Variants in DIPK2A observed in about 807,000 individuals in gnomAD.
DIPK2A encodes divergent protein kinase domain 2A.
DIPK2A carries 27 observed loss-of-function variants against 39.0 expected under a neutral mutation model. The observed-to-expected ratio is 0.69, with a 90% CI of 0.51 to 0.96. The LOEUF (loss-of-function observed/expected upper bound fraction) is 0.96, where lower values mean the gene tolerates loss of function less well. Ranked by LOEUF, DIPK2A falls within the 40% of genes least tolerant of loss-of-function variation. DIPK2A has a pLI of 0.00. For missense variants in DIPK2A, 528 were observed against 571.3 expected (o/e 0.92, Z 0.77); for synonymous variants, 298 against 240.8 (o/e 1.24, Z -2.20).
chr3:143,983,522 A>G (rs1479829519), intron 1 of DIPK2A, among the ~76,000 whole-genome samples: 1 of 152,244 alleles, frequency 6.6e-6, no homozygotes, highest in Non-Finnish European at 1.5e-5. Flanking sequence ...GAACAAAGAC[A>G]CAACATATCA....
At chr3:143,977,046 A>G (rs779793989) in intron 1 of DIPK2A, among the ~76,000 whole-genome samples, 15 of 152,000 alleles carry the variant, frequency 9.9e-5, no homozygotes, top group Non-Finnish European at 1.9e-4. Context: ...ATTTTTTTCC[A>G]TTATTACTTT....
At chr3:143,973,285 T>C (rs946643775) in intron 1 of DIPK2A, 6 of 1,466,116 alleles carry the variant, frequency 4.1e-6, no homozygotes, top group Admixed American at 3.9e-5. Context: ...CCAAAATGTC[T>C]CTACTGCGAG....
chr3:143,972,554 C>G lies in DIPK2A; in HGVS notation c.222C>G (p.Phe74Leu), dbSNP rs2087668038. ...GCTTCCTCAACGGGCAGGTGGTATT[C>G]GAGGCGTGGGGCCGCTTGCGCCTGC... ...CRRFLNGQVV[F>L]EAWGRLRLLD... Residue 74 changes from phenylalanine (F) to leucine (L), a missense_variant, in exon 1 of 3, where the codon TTC (phenylalanine) becomes TTG (leucine). By Grantham distance (22) the Phe-to-Leu change is conservative. This residue lies in a region of DIPK2A where 309 missense variants were observed against 289.8 expected (regional missense o/e 1.07). Coordinates refer to ENST00000315691, the MANE Select transcript of DIPK2A (RefSeq NM_173552.5). 8.7e-6 allele frequency: 14 copies of G among 1,612,264 alleles called. No individual in the cohort carries two copies. In the South Asian group the frequency reaches 1.1e-4, roughly 13 times the overall value.
intron 1 of DIPK2A, among the ~76,000 whole-genome samples, chr3:143,974,964 T>C (rs1221007342): frequency 6.6e-6 from 1 of 152,208 alleles, no homozygotes; most frequent in African/African-American, 2.4e-5. Flanking sequence ...TCTTGTTTTC[T>C]GTTTAACTTT....
rs117232177 is a variant in DIPK2A, at chr3:143,972,074, G to T, written c.-259G>T. The T allele has an allele frequency of 6.5e-3, 2,470 of 380,200 alleles. 108 individuals carry two copies. In the East Asian group the frequency reaches 0.087, roughly 13 times the overall value. 23.6% of individuals were successfully genotyped at this position (380,200 alleles called of 1,614,324 possible). ...TGGCTGGCGTGGAGGAGGCGCCGCC[G>T]GAGTCGGAGGGCGGGGAGCTAGGAG... On this transcript the variant is annotated 5_prime_UTR_variant, in exon 1 of 3. Coordinates refer to ENST00000315691, the MANE Select transcript of DIPK2A (RefSeq NM_173552.5).
At chr3:143,975,129 T>G (rs964231261) in intron 1 of DIPK2A, among the ~76,000 whole-genome samples, 7 of 152,162 alleles carry the variant, frequency 4.6e-5, no homozygotes, top group African/African-American at 1.4e-4. Context: ...GTTTTTAGTA[T>G]GTGATGAAAC....
rs1007783412 is a variant in DIPK2A, at chr3:143,972,315, T to TGCGG, written c.-5_-2dup. 12 of 1,348,780 alleles carry TGCGG rather than the reference T, an allele frequency of 8.9e-6. No homozygotes were observed. The highest frequency in any genetic ancestry group is 3.8e-5 in the South Asian group (2 of 52,528). 83.6% of individuals were successfully genotyped at this position (1,348,780 alleles called of 1,614,324 possible). A position where few individuals can be genotyped will look rare whatever the true frequency, so the allele number is the denominator to read the frequency against. On this transcript the variant is annotated 5_prime_UTR_variant, in exon 1 of 3. Coordinates refer to ENST00000315691, the MANE Select transcript of DIPK2A (RefSeq NM_173552.5). ...CCCGGGGGTGCCCTCGCCCTCCCGT[T>TGCGG]GCGGGCGGGCGGGCGGTATGTGGCG...
chr3:143,985,877 T>A, intron 2 of DIPK2A, 31 bp downstream of exon 2: 2 of 1,530,282 alleles, frequency 1.3e-6, no homozygotes, highest in Non-Finnish European at 1.8e-6. Flanking sequence ...TTTTTTCTAC[T>A]CATTTTTTCC....
chr3:143,987,527 AGT>A (rs1355400934), intron 2 of DIPK2A, among the ~76,000 whole-genome samples: 1 of 152,166 alleles, frequency 6.6e-6, no homozygotes, highest in Non-Finnish European at 1.5e-5. Context: ...TCCACTTTCT[AGT>A]AAATGACCTT....
rs780455944 is a variant in DIPK2A at position 143,972,497 on chromosome 3, C to T, written c.165C>T (p.Cys55=). The T allele has an allele frequency of 5.6e-6, 9 of 1,609,908 alleles. No homozygotes were observed. The African/African-American group carries it at 1.1e-4, about 19-fold the overall frequency. Reference sequence around the variant, plus strand: ...GGCGCTTCCTGCAGCTCAATAAGTGCCCGGCGTGCTTCGGCACGAGCTGGT... The same window carrying T: ...GGCGCTTCCTGCAGCTCAATAAGTGTCCGGCGTGCTTCGGCACGAGCTGGT... The part of the protein sequence containing the change: ...TDRRFLQLNK[C]PACFGTSWCR... The change falls in exon 1 of 3, where the codon TGC becomes TGT. Residue 55 remains cysteine (C), a synonymous_variant. Transcript: ENST00000315691.
chr3:143,982,904 A>G (rs573787593), intron 1 of DIPK2A, among the ~76,000 whole-genome samples: 2 of 151,786 alleles, frequency 1.3e-5, no homozygotes, highest in Non-Finnish European at 3.0e-5. Flanking sequence ...GAAAGCAAAA[A>G]AAACACAAAA....
Position 143,972,193 on chromosome 3 carries a change from C to T in DIPK2A, c.-140C>T, listed in dbSNP as rs986318055. 1 of 703,174 alleles carries T rather than the reference C, an allele frequency of 1.4e-6. No homozygotes were observed. 43.6% of individuals were successfully genotyped at this position (703,174 alleles called of 1,614,324 possible). On this transcript the variant is annotated 5_prime_UTR_variant, in exon 1 of 3. Coordinates refer to ENST00000315691, the MANE Select transcript of DIPK2A (RefSeq NM_173552.5). ...CCGCTCCCCGTCTTCCTCTCTCACA[C>T]ACCTACTCCGCCCTCCGCCCCAGCC...
chr3:143,976,440 AGTT>A (rs2087729633), intron 1 of DIPK2A, among the ~76,000 whole-genome samples: 2 of 151,810 alleles, frequency 1.3e-5, no homozygotes. Flanking sequence ...TCAAAAATTG[AGTT>A]GTTGAAGTAA....
chr3:143,985,833 A>G lies in DIPK2A; in HGVS notation c.948A>G (p.Arg316=). The change falls in exon 2 of 3, where the codon AGA becomes AGG. Residue 316 remains arginine, a synonymous_variant. Coordinates refer to ENST00000315691, the MANE Select transcript of DIPK2A (RefSeq NM_173552.5). ...AAAATGTTTTGGTTGCTGACAAAAG[A>G]TTAATTAGACAAAGTAAGTATATAA... ...DAENVLVADK[R]LIRQNKPENW... 6.2e-7 allele frequency: 1 copy of G among 1,611,322 alleles called. No individual in the cohort carries two copies. The highest frequency in any genetic ancestry group is 8.5e-7 in the Non-Finnish European group (1 of 1,178,454).
chr3:143,978,219 T>G (rs1454349200), intron 1 of DIPK2A, among the ~76,000 whole-genome samples: 1 of 152,136 alleles, frequency 6.6e-6, no homozygotes, highest in Non-Finnish European at 1.5e-5. Flanking sequence ...AATGCTATTT[T>G]TTTCTTTCTT....
chr3:143,976,789 A>G (rs1017001457), intron 1 of DIPK2A, among the ~76,000 whole-genome samples: 1 of 152,076 alleles, frequency 6.6e-6, no homozygotes, highest in Non-Finnish European at 1.5e-5. Flanking sequence ...TTTATAGTAT[A>G]TGACTATCAT....
At chr3:143,982,970 A>G (rs896711160) in intron 1 of DIPK2A, among the ~76,000 whole-genome samples, 6 of 152,326 alleles carry the variant, frequency 3.9e-5, no homozygotes, top group African/African-American at 1.4e-4. Context: ...AAACCAACAA[A>G]GATCATAAAA....
At chr3:143,978,674 A>ATC (rs2087782783) in intron 1 of DIPK2A, among the ~76,000 whole-genome samples, 3 of 43,248 alleles carry the variant, frequency 6.9e-5, no homozygotes, top group African/African-American at 4.2e-4. Context: ...ATATAGATAT[A>ATC]TATATATCTA....
intron 1 of DIPK2A, chr3:143,978,429 A>C (rs1202365715): frequency 6.6e-6 from 1 of 152,236 alleles, no homozygotes; most frequent in Non-Finnish European, 1.5e-5. Context: ...AAAAGAACTG[A>C]ATTTGTCTGT....
Sources: gnomAD v4.1 joint callset for allele counts (sites outside exome capture counted in the v4.1 genomes callset) on GRCh38, gnomAD v4.1.1 for gene constraint, gnomAD v4.1.1 regional missense constraint, MANE v1.5 for transcripts, NCBI Gene and HGNC (gene_info 2026-07-23, HGNC 2026-07-21) for gene names.